The following FHIP2A variants were observed in gnomAD, a reference collection of about 807,000 sequenced individuals.
The protein encoded by FHIP2A is FHF complex subunit HOOK interacting protein 2A.
A neutral mutation model predicts 93.5 loss-of-function variants in FHIP2A; 46 were observed. The observed-to-expected ratio is 0.49, with a 90% CI of 0.39 to 0.63. The LOEUF (loss-of-function observed/expected upper bound fraction) is 0.63, where lower values mean the gene tolerates loss of function less well. FHIP2A is among the 20% of genes least tolerant of loss of function. FHIP2A has a pLI of 0.00. For missense variants in FHIP2A, 769 were observed against 909.7 expected (o/e 0.85, Z 1.99); for synonymous variants, 332 against 326.5 (o/e 1.02, Z -0.18).
At position 114,848,637 on chromosome 10, in the gene FHIP2A, T is replaced by A; in HGVS notation, c.1713-10T>A. The A allele has an allele frequency of 6.3e-7, 1 of 1,584,858 alleles. No homozygotes were observed. Among genetic ancestry groups the A allele is most frequent in the Non-Finnish European group, 8.7e-7 (1 of 1,155,980 alleles). ...GACATCTTGCATAATTGTGGCCGTT[T>A]TCATTTAAGTTTTCTCTGTCTGGTA... On this transcript the variant is annotated splice_polypyrimidine_tract_variant and intron_variant, in intron 12 of 16. Transcript: ENST00000369248.
chr10:114,853,117 G>GTAA (rs1347579896), intron 13 of FHIP2A, among the ~76,000 whole-genome samples: 1 of 152,094 alleles, frequency 6.6e-6, no homozygotes, highest in Non-Finnish European at 1.5e-5. Flanking sequence ...GGGTTATAAG[G>GTAA]TAATAGTCAG....
At chr10:114,855,081 C>A in intron 13 of FHIP2A, 116 bp from the exon 14 acceptor site, 1 of 1,059,710 alleles carries the variant, frequency 9.4e-7, no homozygotes, top group Non-Finnish European at 1.4e-6. Context: ...GCACCTGAAG[C>A]ATAGCAGACA....
intron 16 of FHIP2A, among the ~76,000 whole-genome samples, chr10:114,880,243 A>G (rs2083910267): frequency 6.6e-6 from 1 of 152,238 alleles, no homozygotes; most frequent in Non-Finnish European, 1.5e-5. Context: ...TAAGGAGAGC[A>G]GTGCTTCTTT....
At chr10:114,893,232 G>T (rs1370805067) in intron 16 of FHIP2A, among the ~76,000 whole-genome samples, 5 of 152,138 alleles carry the variant, frequency 3.3e-5, no homozygotes, top group African/African-American at 1.2e-4. Context: ...CATAATAAGA[G>T]AATGATTAGA....
chr10:114,896,132 T>C (rs1383087820), intron 16 of FHIP2A, among the ~76,000 whole-genome samples: 1 of 151,844 alleles, frequency 6.6e-6, no homozygotes, highest in Non-Finnish European at 1.5e-5. Flanking sequence ...TACTACACAA[T>C]GGGGAAGAGG....
In FHIP2A at chr10:114,862,894, G is replaced by A; in HGVS notation, c.*1354G>A. The A allele has an allele frequency of 1.0e-6, 1 of 985,428 alleles. No homozygotes were observed. 61.0% of individuals were successfully genotyped at this position (985,428 alleles called of 1,614,324 possible). A position where few individuals can be genotyped will look rare whatever the true frequency, so the allele number is the denominator to read the frequency against. Reference sequence around the variant, plus strand: ...AGGGAACTGTCACTACCCCCTCTAGGAAGTTATTTTATGTAGCATGTTTGC... The same window carrying A: ...AGGGAACTGTCACTACCCCCTCTAGAAAGTTATTTTATGTAGCATGTTTGC... On this transcript the variant is annotated 3_prime_UTR_variant, in exon 17 of 17. Coordinates refer to ENST00000369248, the MANE Select transcript of FHIP2A (RefSeq NM_020940.4).
chr10:114,881,099 TGCCTGAACTAACGAGGG>T (rs2083914797), intron 16 of FHIP2A, among the ~76,000 whole-genome samples: 1 of 152,222 alleles, frequency 6.6e-6, no homozygotes, highest in South Asian at 2.1e-4. Context: ...ACAATCACTG[TGCCTGAACTAACGAGGG>T]GGCTGTAAAC....
At chr10:114,860,436 T>C (rs569111085) in intron 14 of FHIP2A, among the ~76,000 whole-genome samples, 150 of 152,244 alleles carry the variant, frequency 9.9e-4, no homozygotes, top group African/African-American at 3.3e-3. Flanking sequence ...CACTGCAACC[T>C]CCACCTCCTG....
At position 114,835,649 on chromosome 10, in the gene FHIP2A, G is replaced by A; in HGVS notation, c.399+8G>A. The stretch of plus-strand genomic sequence containing the variant: ...GTGCACAGGCCAGTGCAGGTATTTT[G>A]TTCCCCCTACATAAAATCATTTTGT... On this transcript the variant is annotated splice_region_variant and intron_variant, in intron 4 of 16. Transcript: ENST00000369248. The A allele has an allele frequency of 6.9e-7, 1 of 1,459,152 alleles. No individual in the cohort carries two copies. The highest frequency in any genetic ancestry group is 9.4e-7 in the Non-Finnish European group (1 of 1,064,688). 90.4% of individuals were successfully genotyped at this position (1,459,152 alleles called of 1,614,324 possible).
intron 15 of FHIP2A, 66 bp downstream of exon 15, chr10:114,860,955 A>G (rs1165648471): frequency 1.4e-6 from 2 of 1,446,986 alleles, no homozygotes; most frequent in African/African-American, 1.4e-5. Flanking sequence ...TGTTAATATC[A>G]TTGTATGCAG....
rs1421080273 is a variant in FHIP2A at position 114,863,871 on chromosome 10, A to G, written c.*2331A>G. On this transcript the variant is annotated 3_prime_UTR_variant, in exon 17 of 17. Coordinates refer to ENST00000369248, the MANE Select transcript of FHIP2A (RefSeq NM_020940.4). The stretch of plus-strand genomic sequence containing the variant: ...AAAGTGAATTTCAGCCTTGCTTCAC[A>G]TTTGTATCAATAAATATGCACATTT... 5.5e-6 allele frequency: 6 copies of G among 1,092,756 alleles called. No homozygotes were observed. Among genetic ancestry groups the G allele is most frequent in the Non-Finnish European group, 6.7e-6 (6 of 889,866 alleles). 67.7% of individuals were successfully genotyped at this position (1,092,756 alleles called of 1,614,324 possible).
intron 16 of FHIP2A, among the ~76,000 whole-genome samples, chr10:114,891,702 C>T (rs941965642): frequency 2.6e-5 from 4 of 151,544 alleles, no homozygotes; most frequent in African/African-American, 7.3e-5. Flanking sequence ...CTGTAACCTC[C>T]GCCTCCCGGG....
At chr10:114,878,590 C>A (rs1440907553) in intron 16 of FHIP2A, among the ~76,000 whole-genome samples, 1 of 152,054 alleles carries the variant, frequency 6.6e-6, no homozygotes, top group African/African-American at 2.4e-5. Flanking sequence ...ACCAGCCTGG[C>A]CAACATGGCG....
At chr10:114,895,712 G>A (rs753099723) in intron 16 of FHIP2A, among the ~76,000 whole-genome samples, 2 of 152,146 alleles carry the variant, frequency 1.3e-5, no homozygotes, top group African/African-American at 4.8e-5. Context: ...ATACATGGTA[G>A]CATTCAGACC....
intron 3 of FHIP2A, 127 bp downstream of exon 3, chr10:114,833,529 T>G (rs1592014750): frequency 2.1e-6 from 2 of 956,332 alleles, no homozygotes; most frequent in East Asian, 4.9e-5. Context: ...AAGTTAAGAT[T>G]GTAGAAAAAA....
intron 14 of FHIP2A, among the ~76,000 whole-genome samples, chr10:114,857,412 C>T (rs1458881838): frequency 1.3e-5 from 2 of 150,948 alleles, no homozygotes; most frequent in African/African-American, 4.9e-5. Flanking sequence ...CCGGCTCAAG[C>T]GATTCTCCCG....
rs1224446035 is a variant in FHIP2A at position 114,875,730 on chromosome 10, GAGAGAGAA to G, written c.2192+14400_2192+14407del. On this transcript the variant is annotated intron_variant, in intron 16 of 16. Transcript: ENST00000369250. ...AAAGAAAGAGAGAGAAAGAAAGAAAGAGAGAGAAAGAAAGAAAGAAAGAGAAAGAAAGA... is the reference window on the plus strand; with the variant it reads ...AAAGAAAGAGAGAGAAAGAAAGAAAGAGAAAGAAAGAAAGAGAAAGAAAGA... Among the ~76,000 whole-genome samples the G allele has an allele frequency of 7.5e-5, 11 of 145,858 alleles. No individual in the cohort carries two copies. In the East Asian group the frequency reaches 1.4e-3, roughly 19 times the overall value.
intron 4 of FHIP2A, 37 bp from the exon 5 acceptor site, chr10:114,836,087 C>T (rs771627903): frequency 6.7e-7 from 1 of 1,495,784 alleles, no homozygotes; most frequent in Admixed American, 1.9e-5. Context: ...TAAAAAGTAG[C>T]CTAAGTTTAA....
intron 16 of FHIP2A, among the ~76,000 whole-genome samples, chr10:114,882,183 C>T (rs1205129903): frequency 1.3e-5 from 2 of 152,204 alleles, no homozygotes; most frequent in Non-Finnish European, 2.9e-5. Context: ...GTAACTGTTG[C>T]TCACCTCCAG....
Sources: allele counts gnomAD v4.1 joint callset (sites outside exome capture counted in the v4.1 genomes callset), GRCh38; gene constraint gnomAD v4.1.1; transcripts MANE v1.5; gene names NCBI Gene and HGNC (gene_info 2026-07-23, HGNC 2026-07-21).